The following FOXP1 variants were observed in gnomAD, a reference collection of about 807,000 sequenced individuals.
FOXP1 encodes the protein forkhead box P1.
In FOXP1, 15 loss-of-function variants were observed where a neutral mutation model predicts 98.2. That is an observed-to-expected ratio of 0.15 (90% confidence interval 0.10 to 0.24). The LOEUF is 0.24. Ranked by LOEUF, FOXP1 falls within the 10% of genes least tolerant of loss-of-function variation. FOXP1 has a pLI of 1.00. For missense variants in FOXP1, 633 were observed against 848.5 expected (o/e 0.75, Z 3.15); for synonymous variants, 371 against 314.5 (o/e 1.18, Z -1.90).
At chr3:71,345,216 T>C (rs2077250126) in intron 4 of FOXP1, among the ~76,000 whole-genome samples, 1 of 151,984 alleles carries the variant, frequency 6.6e-6, no homozygotes, top group South Asian at 2.1e-4. Context: ...GGTGAAACCA[T>C]GTCTCTACTA....
chr3:71,083,794 T>A (rs2107543078), intron 7 of FOXP1, among the ~76,000 whole-genome samples: 1 of 152,304 alleles, frequency 6.6e-6, no homozygotes. Context: ...CCTTGAACTT[T>A]TAAGCTCTGT....
intron 5 of FOXP1, among the ~76,000 whole-genome samples, chr3:71,205,447 A>T (rs1170496754): frequency 3.9e-5 from 6 of 152,174 alleles, no homozygotes; most frequent in Non-Finnish European, 8.8e-5. Flanking sequence ...AAAATCTGGA[A>T]TTTCATTTAG....
intron 6 of FOXP1, among the ~76,000 whole-genome samples, chr3:71,137,417 T>G (rs1317244097): frequency 6.6e-6 from 1 of 152,164 alleles, no homozygotes; most frequent in Non-Finnish European, 1.5e-5. Flanking sequence ...TGCTCACTTC[T>G]CTGCTGCGGG....
Position 71,151,639 on chromosome 3 carries a change from G to A in FOXP1, c.181-39002C>T, listed in dbSNP as rs572683797. 2.5e-3 allele frequency among the ~76,000 whole-genome samples: 374 copies of A among 150,348 alleles called. 2 individuals are homozygous for A. The highest frequency in any genetic ancestry group is 8.0e-3 in the African/African-American group (326 of 40,946). ...TTGGCAAAATGAACTCCCTTTAGTCGAGAGGATGCATGTCTAAAACATTTT... is the reference window on the plus strand; with the variant it reads ...TTGGCAAAATGAACTCCCTTTAGTCAAGAGGATGCATGTCTAAAACATTTT... On this transcript the variant is annotated intron_variant, in intron 6 of 20. Transcript: ENST00000649528.
At chr3:71,094,138 C>T (rs1224353539) in intron 7 of FOXP1, among the ~76,000 whole-genome samples, 1 of 152,200 alleles carries the variant, frequency 6.6e-6, no homozygotes, top group African/African-American at 2.4e-5. Flanking sequence ...CTGCAGGACG[C>T]ACAGTCTCTG....
intron 3 of FOXP1, among the ~76,000 whole-genome samples, chr3:71,393,825 C>T (rs546388747): frequency 2.6e-5 from 4 of 152,166 alleles, no homozygotes; most frequent in African/African-American, 9.7e-5. Context: ...GAGAACCTGA[C>T]CTATGGACTC....
intron 4 of FOXP1, among the ~76,000 whole-genome samples, chr3:71,342,110 C>A (rs2077043930): frequency 6.6e-6 from 1 of 152,176 alleles, no homozygotes; most frequent in South Asian, 2.1e-4. Flanking sequence ...GCTACTAAAT[C>A]TTTGGGTTAC....
rs397704711 is a variant in FOXP1 at position 71,177,840 on chromosome 3, C to CTTTTT, written c.180+20357_180+20361dup. Among the ~76,000 whole-genome samples the CTTTTT allele has an allele frequency of 2.4e-3, 274 of 114,910 alleles. 7 individuals carry two copies. Among genetic ancestry groups the CTTTTT allele is most frequent in the Middle Eastern group, 0.02 (3 of 152 alleles). 75.4% of individuals were successfully genotyped at this position (114,910 alleles called of 152,430 possible). A position where few individuals can be genotyped will look rare whatever the true frequency, so the allele number is the denominator to read the frequency against. On this transcript the variant is annotated intron_variant, in intron 6 of 20. Transcript: ENST00000649528. ...ATAGTTTATTTTCTTTTCTTTCTTT[C>CTTTTT]TTTTTTTTTTTTTTTTTTTGAGAAA...
At chr3:71,515,053 T>G (rs531843134) in intron 2 of FOXP1, among the ~76,000 whole-genome samples, 1 of 152,332 alleles carries the variant, frequency 6.6e-6, no homozygotes, top group Admixed American at 6.5e-5. Context: ...AGCATAAAGA[T>G]AGCCAGGCTA....
At chr3:70,968,782 G>A (rs1418256525) in intron 19 of FOXP1, 3 of 152,132 alleles carry the variant, frequency 2.0e-5, no homozygotes, top group South Asian at 2.1e-4. Flanking sequence ...TTGAAAAATG[G>A]AAATAGGCGG....
intron 12 of FOXP1, among the ~76,000 whole-genome samples, chr3:71,004,750 T>C (rs868513548): frequency 4.6e-5 from 7 of 152,264 alleles, no homozygotes; most frequent in Middle Eastern, 3.4e-3. Context: ...TAATTTAAGA[T>C]GAATGCAATG....
Position 71,397,001 on chromosome 3 carries a change from T to C in FOXP1, c.-167-37757A>G, listed in dbSNP as rs904223994. 1.3e-3 allele frequency among the ~76,000 whole-genome samples: 95 copies of C among 74,556 alleles called. 26 individuals carry two copies. Among genetic ancestry groups the C allele is most frequent in the Non-Finnish European group, 2.1e-3 (78 of 37,946 alleles). The allele number at this position is 74,556 out of a possible 152,430, so 48.9% of individuals were successfully genotyped here. A position where few individuals can be genotyped will look rare whatever the true frequency, so the allele number is the denominator to read the frequency against. The stretch of plus-strand genomic sequence containing the variant: ...ATATATGTGTATATATATACACATA[T>C]ATATGTGTATATATATATATATACA... On this transcript the variant is annotated intron_variant, in intron 3 of 20. Transcript: ENST00000649528.
At chr3:71,478,449 TAAAAATA>T (rs1429598075) in intron 3 of FOXP1, among the ~76,000 whole-genome samples, 1 of 151,930 alleles carries the variant, frequency 6.6e-6, no homozygotes, top group Non-Finnish European at 1.5e-5. Flanking sequence ...CAACTATGAG[TAAAAATA>T]AAAATCATTT....
At chr3:71,208,536 T>TTCTGTCTGTG (rs10529764) in intron 5 of FOXP1, among the ~76,000 whole-genome samples, 1 of 149,346 alleles carries the variant, frequency 6.7e-6, no homozygotes, top group South Asian at 2.1e-4. Context: ...GCATTTAAGT[T>TTCTGTCTGTG]TGTGTGTGTG....
In FOXP1 at chr3:70,957,933, A is replaced by AAACT; in HGVS notation, c.*1310_*1313dup. On this transcript the variant is annotated 3_prime_UTR_variant, in exon 21 of 21. Coordinates refer to ENST00000649528, the MANE Select transcript of FOXP1 (RefSeq NM_001349338.3). ...ACCAAGTAGGTCTGAACTAATGTATAAACTCAGCGCCGCCGCCGCCACCCC... is the reference window on the plus strand; with the variant it reads ...ACCAAGTAGGTCTGAACTAATGTATAAACTAACTCAGCGCCGCCGCCGCCACCCC... 4.1e-6 allele frequency: 1 copy of AAACT among 244,128 alleles called. No individual in the cohort carries two copies. Among genetic ancestry groups the AAACT allele is most frequent in the East Asian group, 5.9e-5 (1 of 17,038 alleles). 15.1% of individuals were successfully genotyped at this position (244,128 alleles called of 1,614,324 possible).
intron 9 of FOXP1, among the ~76,000 whole-genome samples, chr3:71,049,872 G>C (rs1305035017): frequency 6.6e-6 from 1 of 152,102 alleles, no homozygotes; most frequent in Non-Finnish European, 1.5e-5. Flanking sequence ...GGAAACTACA[G>C]ATCTCCTAAG....
chr3:71,214,029 A>G (rs1245589328), intron 5 of FOXP1, among the ~76,000 whole-genome samples: 2 of 152,224 alleles, frequency 1.3e-5, no homozygotes, highest in African/African-American at 2.4e-5. Flanking sequence ...TTGTCCCTAC[A>G]GTTAGCAAGG....
At chr3:71,014,480 A>C (rs941389970) in intron 12 of FOXP1, among the ~76,000 whole-genome samples, 2 of 152,212 alleles carry the variant, frequency 1.3e-5, no homozygotes, top group African/African-American at 4.8e-5. Flanking sequence ...ATCATTAAAA[A>C]GTCGGGAAAC....
At chr3:71,562,348 C>T (rs1187899622) in intron 2 of FOXP1, among the ~76,000 whole-genome samples, 1 of 152,210 alleles carries the variant, frequency 6.6e-6, no homozygotes, top group East Asian at 1.9e-4. Context: ...CAGGTGCTAT[C>T]ATACCATTTT....
Sources: gnomAD v4.1 joint callset for allele counts (sites outside exome capture counted in the v4.1 genomes callset) on GRCh38, gnomAD v4.1.1 for gene constraint, MANE v1.5 for transcripts, NCBI Gene and HGNC (gene_info 2026-07-23, HGNC 2026-07-21) for gene names.